The following PRKAB2 variants were observed in gnomAD, a reference collection of about 807,000 sequenced individuals.
The protein encoded by PRKAB2 is protein kinase AMP-activated non-catalytic subunit beta 2.
PRKAB2 carries 18 observed loss-of-function variants against 29.8 expected under a neutral mutation model. The observed-to-expected ratio is 0.60, with a 90% CI of 0.42 to 0.89. PRKAB2 has a LOEUF of 0.89. PRKAB2 is among the 40% of genes least tolerant of loss of function. The pLI, the probability that PRKAB2 is intolerant of heterozygous loss-of-function variation, is 0.00. For synonymous variants in PRKAB2, 136 were observed against 125.9 expected (o/e 1.08, Z -0.54); for missense variants, 270 against 344.3 (o/e 0.78, Z 1.71).
chr1:147,167,659 A>C, intron 3 of PRKAB2, 108 bp downstream of exon 3: 44 of 1,318,656 alleles, frequency 3.3e-5, no homozygotes, highest in East Asian at 4.7e-5. Context: ...GGCATGTTCT[A>C]GAGACAGTCC....
intron 2 of PRKAB2, among the ~76,000 whole-genome samples, chr1:147,171,409 C>T (rs782436485): frequency 4.6e-5 from 7 of 152,206 alleles, no homozygotes; most frequent in Admixed American, 1.3e-4. Flanking sequence ...AAGCAGTCAA[C>T]TAAATGATGT....
chr1:147,165,882 C>T (rs1161818836), intron 5 of PRKAB2, among the ~76,000 whole-genome samples: 3 of 152,146 alleles, frequency 2.0e-5, no homozygotes, highest in Admixed American at 6.5e-5. Context: ...ACAGCAGCCT[C>T]GACCTCCTGG....
At chr1:147,164,236 T>C (rs1019890698) in intron 5 of PRKAB2, among the ~76,000 whole-genome samples, 37 of 152,216 alleles carry the variant, frequency 2.4e-4, no homozygotes, top group African/African-American at 8.7e-4. Flanking sequence ...ACCAAATTCA[T>C]TGTAAGAACT....
Position 147,161,789 on chromosome 1 carries a change from A to G in PRKAB2, c.673-9T>C. ...AGTAAGGCTGGGTCACACTAAGAGA[A>G]AGAGAAAAAAATTACTAAAAAAATT... On this transcript the variant is annotated splice_polypyrimidine_tract_variant and intron_variant, in intron 6 of 7. Coordinates refer to ENST00000254101, the MANE Select transcript of PRKAB2 (RefSeq NM_005399.5). 5.7e-6 allele frequency: 9 copies of G among 1,591,322 alleles called. No individual in the cohort carries two copies. The highest frequency in any genetic ancestry group is 7.7e-6 in the Non-Finnish European group (9 of 1,169,234).
In PRKAB2 at chr1:147,156,591, G is replaced by A. The variant is rs1448082947; in HGVS notation, c.*2974C>T. The A allele has an allele frequency of 2.6e-5, 4 of 152,118 alleles. No individual in the cohort carries two copies. Among genetic ancestry groups the A allele is most frequent in the African/African-American group, 9.7e-5 (4 of 41,444 alleles). 9.4% of individuals were successfully genotyped at this position (152,118 alleles called of 1,614,324 possible). On this transcript the variant is annotated 3_prime_UTR_variant, in exon 8 of 8. Coordinates refer to ENST00000254101, the MANE Select transcript of PRKAB2 (RefSeq NM_005399.5). ...TAAAAGCCAACACTATTGAGGTTAG[G>A]TATGCCCTTCAGGGGTGTTGCCTAG... is the stretch of plus-strand genomic sequence containing the variant.
chr1:147,164,086 G>A (rs1480875908), intron 5 of PRKAB2, among the ~76,000 whole-genome samples: 1 of 151,956 alleles, frequency 6.6e-6, no homozygotes, highest in Non-Finnish European at 1.5e-5. Context: ...AAAGGCACAT[G>A]CTACCATGCC....
chr1:147,167,734 T>G, intron 3 of PRKAB2, 33 bp downstream of exon 3: 2 of 1,598,620 alleles, frequency 1.3e-6, no homozygotes, highest in Non-Finnish European at 1.7e-6. Flanking sequence ...TCTCTATTCC[T>G]GGACCCTTAG....
chr1:147,165,556 T>C (rs1343172266), intron 5 of PRKAB2, among the ~76,000 whole-genome samples: 1 of 152,178 alleles, frequency 6.6e-6, no homozygotes, highest in African/African-American at 2.4e-5. Context: ...TCACTGGGAA[T>C]ACTGTGCACA....
chr1:147,167,495 T>TA (rs1354335640), intron 3 of PRKAB2, among the ~76,000 whole-genome samples: 2 of 152,136 alleles, frequency 1.3e-5, no homozygotes, highest in Non-Finnish European at 2.9e-5. Context: ...CCCACAAGCA[T>TA]AGACAGGACT....
In PRKAB2 at chr1:147,159,639, T is replaced by C; in HGVS notation, c.745A>G (p.Ser249Gly). ...TGGGTTGCGCTAAGGACCATCACAC[T>C]GTCCTGCAAGGAAAAGAAACATACG... ...NHLYALSIKD[S>G]VMVLSATHRY... The change falls in exon 8 of 8, where the codon AGT becomes GGT. Residue 249 changes from serine (S) to glycine (G), a missense_variant. Physicochemically the swap from Ser to Gly is moderately conservative, Grantham distance 56. Coordinates refer to ENST00000254101, the MANE Select transcript of PRKAB2 (RefSeq NM_005399.5). 6.2e-7 allele frequency: 1 copy of C among 1,613,272 alleles called. No individual in the cohort carries two copies. The highest frequency in any genetic ancestry group is 8.5e-7 in the Non-Finnish European group (1 of 1,179,490).
In PRKAB2 at chr1:147,166,588, T is replaced by G; in HGVS notation, c.448A>C (p.Asn150His). 1 of 1,614,144 alleles carries G rather than the reference T, an allele frequency of 6.2e-7. No homozygotes were observed. The highest frequency in any genetic ancestry group is 8.5e-7 in the Non-Finnish European group (1 of 1,180,006). Residue 150 changes from asparagine to histidine, a missense_variant, in exon 5 of 8, where the codon AAC becomes CAC. Asn to His is a moderately conservative substitution (Grantham distance 68). Coordinates refer to ENST00000254101, the MANE Select transcript of PRKAB2 (RefSeq NM_005399.5). ...PVVTSQLGTI[N>H]NLIHVKKSDF... Reference sequence around the variant, plus strand: ...GATTTCTTGACATGGATCAAATTGTTAATTGTGCCAAGCTGACTGGTAACC... The same window carrying G: ...GATTTCTTGACATGGATCAAATTGTGAATTGTGCCAAGCTGACTGGTAACC...
chr1:147,165,868 C>G (rs1389142380), intron 5 of PRKAB2, among the ~76,000 whole-genome samples: 1 of 152,084 alleles, frequency 6.6e-6, no homozygotes, highest in Non-Finnish European at 1.5e-5. Flanking sequence ...CTCAAACATG[C>G]TTCACAGCAG....
rs1553912410 is a variant in PRKAB2 at position 147,156,143 on chromosome 1, A to C, written c.*3422T>G. The C allele has an allele frequency of 6.6e-6, 1 of 152,584 alleles. No homozygotes were observed. The highest frequency in any genetic ancestry group is 1.5e-5 in the Non-Finnish European group (1 of 68,022). 9.5% of individuals were successfully genotyped at this position (152,584 alleles called of 1,614,324 possible). ...TCACAATAATGCAGGAATACACTGT[A>C]CATCTGCTATTAAGCCCATGCCCCA... On this transcript the variant is annotated 3_prime_UTR_variant, in exon 8 of 8. Coordinates refer to ENST00000254101, the MANE Select transcript of PRKAB2 (RefSeq NM_005399.5).
intron 5 of PRKAB2, 150 bp from the exon 6 acceptor site, chr1:147,162,723 AC>A: frequency 1.3e-6 from 1 of 792,252 alleles, no homozygotes; most frequent in Non-Finnish European, 1.9e-6. Context: ...CTGTAAGGTA[AC>A]CAGAGGAAAA....
chr1:147,172,384 C>A, intron 1 of PRKAB2, 45 bp downstream of exon 1: 1 of 570,746 alleles, frequency 1.8e-6, no homozygotes, highest in Non-Finnish European at 3.0e-6. Context: ...GGGACCTCCC[C>A]CGCGTCCCCG....
rs150123602 is a variant in PRKAB2 at position 147,171,313 on chromosome 1, T to C, written c.156+676A>G. Among the ~76,000 whole-genome samples the C allele has an allele frequency of 5.7e-3, 875 of 152,242 alleles. 4 individuals are homozygous for C. The highest frequency in any genetic ancestry group is 0.01 in the Middle Eastern group (3 of 294). On this transcript the variant is annotated intron_variant, in intron 2 of 7. Coordinates refer to ENST00000254101, the MANE Select transcript of PRKAB2 (RefSeq NM_005399.5). ...GAGGAGTAAACAAGTCGTGGAATCA[T>C]TGGCTCTTCCACCTACGGAGCAGCA... is the stretch of plus-strand genomic sequence containing the variant.
At chr1:147,161,803 A>C in intron 6 of PRKAB2, 23 bp from the exon 7 acceptor site, 1 of 1,564,906 alleles carries the variant, frequency 6.4e-7, no homozygotes, top group Non-Finnish European at 8.7e-7. Context: ...GAAAAAAATT[A>C]CTAAAAAAAT....
At chr1:147,161,957 A>T (rs1553913139) in intron 6 of PRKAB2, among the ~76,000 whole-genome samples, 177 bp from the exon 7 acceptor site, 1 of 152,130 alleles carries the variant, frequency 6.6e-6, no homozygotes, top group East Asian at 1.9e-4. Context: ...TATTACAGAA[A>T]ATTAGAAAAA....
intron 2 of PRKAB2, among the ~76,000 whole-genome samples, chr1:147,169,181 G>T (rs1430638434): frequency 2.6e-5 from 4 of 151,210 alleles, no homozygotes; most frequent in South Asian, 2.1e-4. Context: ...AATAATGTGG[G>T]TTTTTTTTTA....
Sources: allele counts gnomAD v4.1 joint callset (sites outside exome capture counted in the v4.1 genomes callset), GRCh38; gene constraint gnomAD v4.1.1; transcripts MANE v1.5; gene names NCBI Gene and HGNC (gene_info 2026-07-23, HGNC 2026-07-21).